The following KIAA1217 variants were observed in gnomAD, a reference collection of about 807,000 sequenced individuals.
The protein encoded by KIAA1217 is KIAA1217, also known as sickle tail protein homolog.
KIAA1217 carries 88 observed loss-of-function variants against 163.9 expected under a neutral mutation model. The observed-to-expected ratio is 0.54, with a 90% CI of 0.45 to 0.64. The LOEUF (loss-of-function observed/expected upper bound fraction) is 0.64. Ranked by LOEUF, KIAA1217 falls within the 30% of genes least tolerant of loss-of-function variation. The pLI, the probability that KIAA1217 is intolerant of heterozygous loss-of-function variation, is 0.00. For synonymous variants in KIAA1217, 903 were observed against 923.1 expected, an observed-to-expected ratio of 0.98 and a Z score of 0.39; for missense variants, 2,372 against 2,475.0, an observed-to-expected ratio of 0.96 and a Z score of 0.88.
intron 2 of KIAA1217, among the ~76,000 whole-genome samples, chr10:24,072,724 G>A (rs1269893741): frequency 6.6e-6 from 1 of 152,148 alleles, no homozygotes; most frequent in Non-Finnish European, 1.5e-5. Flanking sequence ...TTTGAAGAAT[G>A]TTGAGAAAAG....
intron 2 of KIAA1217, among the ~76,000 whole-genome samples, chr10:24,163,157 G>A (rs1378243673): frequency 6.6e-6 from 1 of 152,220 alleles, no homozygotes; most frequent in Non-Finnish European, 1.5e-5. Context: ...TAAGAACACA[G>A]TTGGCCCCAG....
chr10:24,452,509 T>A (rs1223656595), intron 5 of KIAA1217, among the ~76,000 whole-genome samples: 2 of 147,986 alleles, frequency 1.4e-5, no homozygotes, highest in Non-Finnish European at 3.0e-5. Flanking sequence ...CCGTCTCTAC[T>A]TAAAATACAA....
chr10:23,781,763 A>T (rs921278419), intron 1 of KIAA1217, among the ~76,000 whole-genome samples: 15 of 152,140 alleles, frequency 9.9e-5, no homozygotes, highest in African/African-American at 3.6e-4. Context: ...GTAAGATGAG[A>T]TCCAATGTCA....
chr10:24,160,620 A>T (rs1237101020), intron 2 of KIAA1217, among the ~76,000 whole-genome samples: 1 of 152,182 alleles, frequency 6.6e-6, no homozygotes, highest in Admixed American at 6.5e-5. Flanking sequence ...CTCTCTAAAG[A>T]AGTTCTGCAA....
chr10:24,354,368 C>T lies in KIAA1217; in HGVS notation c.355-26501C>T, dbSNP rs138945379. ...CATGCAGATGGGCAGGTGCAGGAGC[C>T]GGGGCAAGTGCTTTTGGACTCTGGC... On this transcript the variant is annotated intron_variant, in intron 2 of 20. Coordinates refer to ENST00000376454, the MANE Select transcript of KIAA1217 (RefSeq NM_019590.5). 1.6e-3 allele frequency among the ~76,000 whole-genome samples: 251 copies of T among 152,250 alleles called. 2 individuals carry two copies. Among genetic ancestry groups the T allele is most frequent in the African/African-American group, 5.5e-3 (230 of 41,560 alleles).
chr10:24,433,063 G>A lies in KIAA1217; in HGVS notation c.622G>A (p.Asp208Asn), dbSNP rs199858264. ...GATGCCGAATGAAATCACAAGTGCAGACACAATCCGTGCTCTCTTCGTAAG... is the reference window on the plus strand; with the variant it reads ...GATGCCGAATGAAATCACAAGTGCAAACACAATCCGTGCTCTCTTCGTAAG... Reference protein sequence around the residue: ...LRMPNEITSADTIRALFVSAF... With the variant: ...LRMPNEITSANTIRALFVSAF... The change falls in exon 4 of 21, where the codon GAC becomes AAC. Residue 208 changes from aspartate (D) to asparagine (N), a missense_variant. Transcript: ENST00000376454. 12 of 1,614,002 alleles carry A rather than the reference G, an allele frequency of 7.4e-6. No homozygotes were observed. The highest frequency in any genetic ancestry group is 1.0e-5 in the Non-Finnish European group (12 of 1,180,040).
intron 1 of KIAA1217, among the ~76,000 whole-genome samples, chr10:23,823,446 C>T (rs573842792): frequency 7.2e-5 from 11 of 152,272 alleles, no homozygotes; most frequent in South Asian, 6.2e-4. Flanking sequence ...CTCTTCTGCC[C>T]CTAGAAGAGA....
chr10:23,735,312 C>T (rs1477244630), intron 1 of KIAA1217, among the ~76,000 whole-genome samples: 1 of 152,044 alleles, frequency 6.6e-6, no homozygotes, highest in Non-Finnish European at 1.5e-5. Context: ...CAGCTCACTG[C>T]AACCTCCACC....
At chr10:23,705,315 G>T (rs1836814981) in intron 1 of KIAA1217, among the ~76,000 whole-genome samples, 1 of 151,456 alleles carries the variant, frequency 6.6e-6, no homozygotes, top group South Asian at 2.1e-4. Context: ...TTCTTTTGTT[G>T]CTTGTGCAAC....
At chr10:24,223,428 T>C (rs1356746963) in intron 2 of KIAA1217, among the ~76,000 whole-genome samples, 1 of 152,180 alleles carries the variant, frequency 6.6e-6, no homozygotes, top group African/African-American at 2.4e-5. Flanking sequence ...CTCTCTGCAA[T>C]GCCATTTGTT....
intron 1 of KIAA1217, among the ~76,000 whole-genome samples, chr10:24,002,057 G>A (rs1298330650): frequency 1.3e-5 from 2 of 152,166 alleles, no homozygotes; most frequent in African/African-American, 4.8e-5. Flanking sequence ...TAGTAGATGA[G>A]GCTGGGAAAA....
intron 1 of KIAA1217, among the ~76,000 whole-genome samples, chr10:23,961,401 G>C (rs1292692504): frequency 6.6e-6 from 1 of 152,160 alleles, no homozygotes; most frequent in African/African-American, 2.4e-5. Context: ...GGTTGAAGCA[G>C]AGACCTAAAA....
Position 24,533,334 on chromosome 10 carries a change from G to A in KIAA1217, c.3414+97G>A, listed in dbSNP as rs149311473. ...ATTTGTTAGCGAGAAGGCCAGGGAA[G>A]CGCATGGACCGGGACCATAGAAGCT... On this transcript the variant is annotated intron_variant, in intron 16 of 20. Coordinates refer to ENST00000376454, the MANE Select transcript of KIAA1217 (RefSeq NM_019590.5). The A allele has an allele frequency of 6.7e-3, 8,323 of 1,247,974 alleles. 47 individuals are homozygous for A. Among genetic ancestry groups the A allele is most frequent in the Middle Eastern group, 9.9e-3 (35 of 3,526 alleles). The allele number at this position is 1,247,974 out of a possible 1,614,324, so 77.3% of individuals were successfully genotyped here. A position where few individuals can be genotyped will look rare whatever the true frequency, so the allele number is the denominator to read the frequency against.
Position 23,884,637 on chromosome 10 carries a change from T to C in KIAA1217, c.-320-122588T>C, listed in dbSNP as rs113784017. Among the ~76,000 whole-genome samples, 604 of 152,094 alleles carry C rather than the reference T, an allele frequency of 4.0e-3. 1 individual carries two copies. The highest frequency in any genetic ancestry group is 0.014 in the African/African-American group (575 of 41,538). ...TTTCCAAGGTAGGGAGGCCTCTTTC[T>C]TGGCCAGACCATTATCCAGGGAAGA... On this transcript the variant is annotated intron_variant, in intron 1 of 18. Coordinates refer to the KIAA1217 transcript ENST00000376462.
intron 5 of KIAA1217, among the ~76,000 whole-genome samples, chr10:24,448,816 A>G (rs578239298): frequency 3.3e-4 from 50 of 152,262 alleles, no homozygotes; most frequent in Non-Finnish European, 5.4e-4. Context: ...TCAATCAGCC[A>G]TAGTGAGTCA....
At chr10:24,440,282 A>G (rs940102931) in intron 5 of KIAA1217, among the ~76,000 whole-genome samples, 33 of 152,230 alleles carry the variant, frequency 2.2e-4, no homozygotes, top group Non-Finnish European at 5.9e-5. Flanking sequence ...CATGGACTAA[A>G]TATTACAGCA....
At chr10:24,008,209 A>G (rs1324489951) in intron 2 of KIAA1217, among the ~76,000 whole-genome samples, 12 of 148,968 alleles carry the variant, frequency 8.1e-5, no homozygotes, top group Non-Finnish European at 1.6e-4. Context: ...TAGATAGATT[A>G]TTTATCTTGT....
intron 2 of KIAA1217, among the ~76,000 whole-genome samples, chr10:24,313,997 G>A (rs889352054): frequency 2.6e-5 from 4 of 151,680 alleles, no homozygotes; most frequent in Admixed American, 6.6e-5. Context: ...CCACCACCGC[G>A]CCCAGCTAAT....
intron 2 of KIAA1217, among the ~76,000 whole-genome samples, chr10:24,170,815 G>A (rs2065593301): frequency 6.6e-6 from 1 of 152,212 alleles, no homozygotes; most frequent in Non-Finnish European, 1.5e-5. Flanking sequence ...CAAAATAGTA[G>A]TGTGTAGCTG....
Sources: gnomAD v4.1 joint callset for allele counts (sites outside exome capture counted in the v4.1 genomes callset) on GRCh38, gnomAD v4.1.1 for gene constraint, MANE v1.5 for transcripts, NCBI Gene and HGNC (gene_info 2026-07-23, HGNC 2026-07-21) for gene names.